Variants in RTTN observed in about 807,000 individuals in gnomAD.
The protein encoded by RTTN is rotatin.
Under a neutral mutation model 269.2 loss-of-function variants are expected in RTTN, and 182 were observed. The ratio of observed to expected loss-of-function variants is 0.68; its 90% CI spans 0.60 to 0.76. The LOEUF (loss-of-function observed/expected upper bound fraction) is 0.76, where lower values mean the gene tolerates loss of function less well. RTTN is among the 30% of genes least tolerant of loss of function. The pLI is 0.00. For missense variants in RTTN, 2,545 were observed against 2,608.6 expected, an observed-to-expected ratio of 0.98 and a Z score of 0.53; for synonymous variants, 1,006 against 963.5, an observed-to-expected ratio of 1.04 and a Z score of -0.82.
chr18:70,110,674 A>G (rs1052058325), intron 27 of RTTN, among the ~76,000 whole-genome samples: 14 of 152,056 alleles, frequency 9.2e-5, no homozygotes, highest in Non-Finnish European at 1.9e-4. Context: ...CTTTTTTCCC[A>G]TACCCCAGTG....
intron 14 of RTTN, among the ~76,000 whole-genome samples, chr18:70,153,556 G>A (rs113567154): frequency 7.9e-5 from 12 of 152,136 alleles, no homozygotes; most frequent in African/African-American, 2.2e-4. Context: ...TTACCATACC[G>A]TCCTCAAAGT....
At chr18:70,089,671 G>A (rs548063203) in intron 30 of RTTN, among the ~76,000 whole-genome samples, 2 of 152,238 alleles carry the variant, frequency 1.3e-5, no homozygotes, top group South Asian at 2.1e-4. Context: ...TGAGGAAAGT[G>A]TTATTTAAAA....
chr18:70,040,841 C>T (rs2057318337), intron 40 of RTTN, among the ~76,000 whole-genome samples: 1 of 152,112 alleles, frequency 6.6e-6, no homozygotes, highest in Admixed American at 6.5e-5. Flanking sequence ...ACTATACAAA[C>T]ATATGAAAAT....
At chr18:70,010,082 T>C (rs1226181480) in intron 46 of RTTN, among the ~76,000 whole-genome samples, 1 of 152,176 alleles carries the variant, frequency 6.6e-6, no homozygotes, top group African/African-American at 2.4e-5. Context: ...CCCAGATTCA[T>C]AAAGCAAGTT....
At position 70,048,096 on chromosome 18, in the gene RTTN, C is replaced by T. The variant is rs1487189817; in HGVS notation, c.5416G>A (p.Ala1806Thr). The T allele has an allele frequency of 6.2e-6, 10 of 1,614,000 alleles. No homozygotes were observed. In the Admixed American group the frequency reaches 8.3e-5, roughly 13 times the overall value. The change falls in exon 40 of 49, where the codon GCA becomes ACA. Residue 1806 changes from alanine to threonine, a missense_variant. Physicochemically the swap from Ala to Thr is moderately conservative, Grantham distance 58. Coordinates refer to ENST00000640769, the MANE Select transcript of RTTN (RefSeq NM_173630.4). The stretch of plus-strand genomic sequence containing the variant: ...CTCTTAGCCTGGAGATGCCCTTTTG[C>T]TTCTTCGGTCAAGAGAACAGAAAGG... The part of the protein sequence containing the change: ...QFLSVLLTEE[A>T]KGHLQAKSKT...
At chr18:70,133,858 A>G (rs2060056971) in intron 23 of RTTN, among the ~76,000 whole-genome samples, 1 of 152,154 alleles carries the variant, frequency 6.6e-6, no homozygotes, top group Non-Finnish European at 1.5e-5. Flanking sequence ...GATATATGTC[A>G]ATAAAAACAA....
intron 46 of RTTN, among the ~76,000 whole-genome samples, chr18:70,013,223 G>A (rs1053939304): frequency 2.0e-5 from 3 of 152,174 alleles, no homozygotes; most frequent in Admixed American, 1.3e-4. Flanking sequence ...TTAAATGGGA[G>A]GGTGACTTCC....
At chr18:70,129,942 A>G (rs2059957128) in intron 23 of RTTN, 1 of 151,894 alleles carries the variant, frequency 6.6e-6, no homozygotes, top group Non-Finnish European at 1.5e-5. Context: ...AATAATAATA[A>G]TAATAATCCA....
At chr18:70,032,563 A>G (rs7229666) in intron 40 of RTTN, among the ~76,000 whole-genome samples, 4,106 of 152,326 alleles carry the variant, frequency 0.027, 186 homozygotes, top group African/African-American at 0.093. Context: ...TTAAACCAAC[A>G]AAGATAAAAA....
chr18:70,205,284 A>G lies in RTTN; in HGVS notation c.63T>C (p.Ala21=). 1 of 1,614,206 alleles carries G rather than the reference A, an allele frequency of 6.2e-7. No individual in the cohort carries two copies. The highest frequency in any genetic ancestry group is 2.2e-5 in the East Asian group (1 of 44,874). ...GHQLAEIRER[A]LKSILCKIEH... ...CAATCTTGCAGAGAATACTCTTGAG[A>G]GCGCGCTCCCTGATCTCGGCCAGCT... Residue 21 remains alanine, a synonymous_variant, in exon 2 of 49, where the codon GCT becomes GCC. Transcript: ENST00000640769.
intron 10 of RTTN, among the ~76,000 whole-genome samples, chr18:70,179,366 A>T (rs1287016091): frequency 2.6e-5 from 4 of 152,214 alleles, no homozygotes; most frequent in African/African-American, 9.6e-5. Context: ...TAATCTTGCT[A>T]ATTCTAATGA....
chr18:70,020,200 A>C (rs995988234), intron 45 of RTTN, among the ~76,000 whole-genome samples: 1 of 152,186 alleles, frequency 6.6e-6, no homozygotes, highest in African/African-American at 2.4e-5. Context: ...GTTAAGTCTA[A>C]CTGGGGGAAG....
chr18:70,040,516 A>G (rs965053834), intron 40 of RTTN, among the ~76,000 whole-genome samples: 5 of 152,248 alleles, frequency 3.3e-5, no homozygotes, highest in Non-Finnish European at 7.3e-5. Flanking sequence ...TCAAGACGAT[A>G]ATGGCTGGAG....
intron 32 of RTTN, among the ~76,000 whole-genome samples, chr18:70,085,457 G>A (rs1442806265): frequency 6.6e-6 from 1 of 152,090 alleles, no homozygotes; most frequent in Admixed American, 6.5e-5. Context: ...CCTTGCTACG[G>A]TTCAGCTTGT....
At chr18:70,025,100 C>T (rs186418440) in intron 43 of RTTN, among the ~76,000 whole-genome samples, 2 of 152,262 alleles carry the variant, frequency 1.3e-5, no homozygotes, top group East Asian at 3.9e-4. Flanking sequence ...AGAAAATAGC[C>T]TGTGTAACAT....
At chr18:70,174,636 G>A (rs1015595903) in intron 11 of RTTN, among the ~76,000 whole-genome samples, 1 of 151,396 alleles carries the variant, frequency 6.6e-6, no homozygotes, top group African/African-American at 2.4e-5. Flanking sequence ...CATCTTGCTG[G>A]TAAAATATTA....
intron 46 of RTTN, among the ~76,000 whole-genome samples, chr18:70,009,492 T>C (rs985209294): frequency 1.3e-5 from 2 of 151,978 alleles, no homozygotes; most frequent in Non-Finnish European, 2.9e-5. Context: ...GCTTCATAAG[T>C]GAAAAATAAA....
At chr18:70,058,320 C>T (rs1452867619) in intron 36 of RTTN, among the ~76,000 whole-genome samples, 2 of 152,096 alleles carry the variant, frequency 1.3e-5, no homozygotes, top group African/African-American at 4.8e-5. Flanking sequence ...AGTTCAAGAC[C>T]AGCCTGGTGA....
intron 28 of RTTN, among the ~76,000 whole-genome samples, chr18:70,109,032 AAAGAT>A (rs2059393818): frequency 6.6e-6 from 1 of 152,244 alleles, no homozygotes; most frequent in African/African-American, 2.4e-5. Flanking sequence ...ATTTTCACCA[AAAGAT>A]AAGAATGTTC....
Sources: allele counts gnomAD v4.1 joint callset (sites outside exome capture counted in the v4.1 genomes callset), GRCh38; gene constraint gnomAD v4.1.1; transcripts MANE v1.5; gene names NCBI Gene and HGNC (gene_info 2026-07-23, HGNC 2026-07-21).